FAM178B: variants seen among roughly 807,000 people sequenced by gnomAD.
FAM178B encodes protein FAM178B.
A neutral mutation model predicts 91.7 loss-of-function variants in FAM178B; 82 were observed. That is an observed-to-expected ratio of 0.89 (90% CI 0.75 to 1.07). The LOEUF (loss-of-function observed/expected upper bound fraction) is 1.07. Ranked by LOEUF, FAM178B falls within the 50% of genes least tolerant of loss-of-function variation. The pLI, the probability that FAM178B is intolerant of heterozygous loss-of-function variation, is 0.00. For synonymous variants in FAM178B, 368 were observed against 359.4 expected, an observed-to-expected ratio of 1.02 and a Z score of -0.27; for missense variants, 769 against 846.7, an observed-to-expected ratio of 0.91 and a Z score of 1.14.
intron 6 of FAM178B, among the ~76,000 whole-genome samples, chr2:96,955,037 A>G (rs1431018330): frequency 1.3e-5 from 2 of 152,184 alleles, no homozygotes; most frequent in Non-Finnish European, 2.9e-5. Context: ...GCAGCAGAGC[A>G]TGGGCCTGAC....
chr2:96,969,668 G>T (rs1333561566), intron 4 of FAM178B, among the ~76,000 whole-genome samples: 2 of 152,174 alleles, frequency 1.3e-5, no homozygotes, highest in Non-Finnish European at 2.9e-5. Flanking sequence ...TGGGCACCGT[G>T]GAAATATATA....
rs1559064280 is a variant in FAM178B, at chr2:96,905,848, A to ATACG, written c.1563-3142_1563-3141insCGTA. Among the ~76,000 whole-genome samples, 86 of 26,500 alleles carry ATACG rather than the reference A, an allele frequency of 3.2e-3. 2 individuals carry two copies. Among genetic ancestry groups the ATACG allele is most frequent in the African/African-American group, 0.015 (84 of 5,650 alleles). The allele number at this position is 26,500 out of a possible 152,430, so 17.4% of individuals were successfully genotyped here. A position where few individuals can be genotyped will look rare whatever the true frequency, so the allele number is the denominator to read the frequency against. On this transcript the variant is annotated intron_variant, in intron 12 of 16. Transcript: ENST00000490605. ...TATATATATATATATATATATATAT[A>ATACG]TATATATATATATTTTTTTTTTTTT... is the stretch of plus-strand genomic sequence containing the variant.
intron 12 of FAM178B, among the ~76,000 whole-genome samples, chr2:96,913,482 G>GCCCTCTGGC (rs1422726981): frequency 3.3e-5 from 5 of 152,184 alleles, no homozygotes; most frequent in African/African-American, 1.2e-4. Context: ...GAAAGGTGGG[G>GCCCTCTGGC]CCCTCTGGCC....
chr2:96,877,981 C>T lies in FAM178B; in HGVS notation c.1916G>A (p.Ser639Asn). The part of the protein sequence containing the change: ...DRHISTQIRE[S>N]PQAMHRTMLK... The stretch of plus-strand genomic sequence containing the variant: ...CATGGTGCGGTGCATGGCCTGGGGG[C>T]TCTCCCGGATCTGCGTGCTGATGTG... Residue 639 changes from serine (S) to asparagine (N), a missense_variant, in exon 16 of 17, where the codon AGC becomes AAC. By Grantham distance (46) the Ser-to-Asn change is conservative. Coordinates refer to ENST00000490605, the MANE Select transcript of FAM178B (RefSeq NM_001122646.3). 1.2e-6 allele frequency: 2 copies of T among 1,613,602 alleles called. No individual in the cohort carries two copies. The highest frequency in any genetic ancestry group is 2.2e-5 in the East Asian group (1 of 44,884).
Position 96,961,313 on chromosome 2 carries a change from GT to G in FAM178B, c.735-874del, listed in dbSNP as rs1420618765. Among the ~76,000 whole-genome samples, 4 of 3,888 alleles carry G rather than the reference GT, an allele frequency of 1.0e-3. No individual in the cohort carries two copies. In the African/African-American group the frequency reaches 0.016, roughly 16 times the overall value. The allele number at this position is 3,888 out of a possible 152,430, so 2.6% of individuals were successfully genotyped here. A position where few individuals can be genotyped will look rare whatever the true frequency, so the allele number is the denominator to read the frequency against. ...TCTTGGGTGAAAACAGCAGCAGAGG[GT>G]GTGTGTGTGTGTGTGTGTGTGTGTG... On this transcript the variant is annotated intron_variant, in intron 5 of 16. Coordinates refer to ENST00000490605, the MANE Select transcript of FAM178B (RefSeq NM_001122646.3).
chr2:96,960,543 TG>T, intron 5 of FAM178B, 103 bp from the exon 6 acceptor site: 2 of 1,335,754 alleles, frequency 1.5e-6, no homozygotes, highest in Non-Finnish European at 1.0e-6. Context: ...ACGGGCTCCC[TG>T]CCTTGCAGTC....
At chr2:96,905,949 G>A (rs1236685831) in intron 12 of FAM178B, among the ~76,000 whole-genome samples, 9 of 133,818 alleles carry the variant, frequency 6.7e-5, no homozygotes, top group Non-Finnish European at 1.1e-4. Context: ...TCGGCTCACC[G>A]CAACCTCTGC....
intron 14 of FAM178B, among the ~76,000 whole-genome samples, chr2:96,891,188 C>T (rs1193580223): frequency 6.6e-6 from 1 of 152,240 alleles, no homozygotes; most frequent in Non-Finnish European, 1.5e-5. Flanking sequence ...AGCAGGAGCT[C>T]ATGGCTTCCT....
chr2:96,927,609 A>G (rs533738283), intron 9 of FAM178B, among the ~76,000 whole-genome samples: 70 of 152,176 alleles, frequency 4.6e-4, no homozygotes, highest in African/African-American at 1.6e-3. Context: ...AGTACTTGAG[A>G]TGATGTGTTT....
chr2:96,981,339 C>T (rs186589124), intron 1 of FAM178B, among the ~76,000 whole-genome samples: 13 of 152,304 alleles, frequency 8.5e-5, no homozygotes, highest in Non-Finnish European at 1.8e-4. Flanking sequence ...ACATCTCACA[C>T]ATGCACGTGA....
At chr2:96,945,100 C>T (rs1460417568) in intron 8 of FAM178B, among the ~76,000 whole-genome samples, 2 of 152,316 alleles carry the variant, frequency 1.3e-5, no homozygotes, top group East Asian at 3.9e-4. Context: ...TAGCGAAGTG[C>T]TTGAGGAAGG....
intron 5 of FAM178B, among the ~76,000 whole-genome samples, chr2:96,961,802 G>A (rs1292660809): frequency 6.6e-6 from 1 of 152,090 alleles, no homozygotes; most frequent in African/African-American, 2.4e-5. Context: ...CCAAGGTACG[G>A]CCCTGACCCA....
At chr2:96,948,995 T>TC in intron 7 of FAM178B, among the ~76,000 whole-genome samples, 2 of 152,156 alleles carry the variant, frequency 1.3e-5, no homozygotes, top group Non-Finnish European at 2.9e-5. Flanking sequence ...CATCTAGAAC[T>TC]CTGCCTTTCT....
Position 96,922,396 on chromosome 2 carries a change from C to T in FAM178B, c.1288-742G>A, listed in dbSNP as rs562073253. ...ACAGAGTCTTGCTCTGTCACCCAGG[C>T]TGGAGTGCAGTGGCGCCATCTTGGC... On this transcript the variant is annotated intron_variant, in intron 10 of 16. Transcript: ENST00000490605. 2.0e-5 allele frequency among the ~76,000 whole-genome samples: 3 copies of T among 152,356 alleles called. No individual in the cohort carries two copies. In the East Asian group the frequency reaches 5.8e-4, roughly 29 times the overall value.
chr2:96,935,828 G>T (rs1158695153), intron 8 of FAM178B, among the ~76,000 whole-genome samples: 2 of 151,064 alleles, frequency 1.3e-5, no homozygotes, highest in Non-Finnish European at 1.5e-5. Flanking sequence ...TAGACAGGGG[G>T]TTTCACCATG....
At chr2:96,928,980 C>T (rs868261599) in intron 9 of FAM178B, among the ~76,000 whole-genome samples, 39 of 152,004 alleles carry the variant, frequency 2.6e-4, no homozygotes, top group African/African-American at 8.9e-4. Flanking sequence ...GGAGACCCCC[C>T]CCCGCCACCT....
At chr2:96,918,841 G>A (rs1047058809) in intron 12 of FAM178B, among the ~76,000 whole-genome samples, 2 of 152,154 alleles carry the variant, frequency 1.3e-5, no homozygotes, top group Non-Finnish European at 2.9e-5. Context: ...ACCGGTTTAT[G>A]TTATCTATAG....
chr2:96,944,241 C>CAAAAAA (rs397868752), intron 8 of FAM178B, among the ~76,000 whole-genome samples: 5 of 56,922 alleles, frequency 8.8e-5, no homozygotes, highest in Admixed American at 1.9e-4. Context: ...GACTCCATCT[C>CAAAAAA]AAAAAAAAAA....
At chr2:96,973,913 G>T (rs2153375902) in intron 1 of FAM178B, among the ~76,000 whole-genome samples, 1 of 152,114 alleles carries the variant, frequency 6.6e-6, no homozygotes, top group African/African-American at 2.4e-5. Flanking sequence ...TGGGGCAGGA[G>T]AATCACTTGA....
Sources: gnomAD v4.1 joint callset for allele counts (sites outside exome capture counted in the v4.1 genomes callset) on GRCh38, gnomAD v4.1.1 for gene constraint, MANE v1.5 for transcripts, NCBI Gene and HGNC (gene_info 2026-07-23, HGNC 2026-07-21) for gene names.